Variants in PCDH10 observed in about 807,000 individuals in gnomAD.
The protein encoded by PCDH10 is protocadherin-10.
PCDH10 carries 15 observed loss-of-function variants against 74.4 expected under a neutral mutation model. That is an observed-to-expected ratio of 0.20 (90% CI 0.13 to 0.31). PCDH10 has a LOEUF of 0.31. Among genes scored for constraint, PCDH10 ranks in the 10% least tolerant of loss-of-function variants. The pLI is 1.00. For missense variants in PCDH10, 1,260 were observed against 1,390.2 expected (o/e 0.91, Z 1.49); for synonymous variants, 619 against 589.8 (o/e 1.05, Z -0.72).
At chr4:133,161,845 T>C (rs1011792474) in intron 3 of PCDH10, among the ~76,000 whole-genome samples, 4 of 152,156 alleles carry the variant, frequency 2.6e-5, no homozygotes, top group Admixed American at 2.6e-4. Context: ...AGTTTGAGAA[T>C]AGGTTGAGAT....
downstream of PCDH10, among the ~76,000 whole-genome samples, chr4:133,196,883 CA>C (rs1727806188): frequency 6.6e-6 from 1 of 152,158 alleles, no homozygotes; most frequent in Non-Finnish European, 1.5e-5. Context: ...CTTTTTTCAA[CA>C]TTTAACCACT....
Position 133,150,058 on chromosome 4 carries a change from A to G in PCDH10, c.-83A>G, listed in dbSNP as rs1204260211. ...AGCGCACTTTTATTTGTATTTTTTCAGATTTTTTTTTGTTTCGTGGTGGTG... is the reference window on the plus strand; with the variant it reads ...AGCGCACTTTTATTTGTATTTTTTCGGATTTTTTTTTGTTTCGTGGTGGTG... On this transcript the variant is annotated 5_prime_UTR_variant, in exon 1 of 5. Coordinates refer to ENST00000264360, the MANE Select transcript of PCDH10 (RefSeq NM_032961.3). 1.4e-6 allele frequency: 2 copies of G among 1,446,982 alleles called. No individual in the cohort carries two copies. The highest frequency in any genetic ancestry group is 1.8e-6 in the Non-Finnish European group (2 of 1,098,634). The allele number at this position is 1,446,982 out of a possible 1,614,324, so 89.6% of individuals were successfully genotyped here. A position where few individuals can be genotyped will look rare whatever the true frequency, so the allele number is the denominator to read the frequency against.
chr4:133,182,323 C>T (rs1180907735), intron 4 of PCDH10, among the ~76,000 whole-genome samples: 1 of 151,846 alleles, frequency 6.6e-6, no homozygotes, highest in Non-Finnish European at 1.5e-5. Context: ...TGAAAAGTGT[C>T]TAAATGTCAC....
At chr4:133,177,607 A>G (rs1180158230) in intron 4 of PCDH10, among the ~76,000 whole-genome samples, 1 of 152,146 alleles carries the variant, frequency 6.6e-6, no homozygotes, top group East Asian at 1.9e-4. Flanking sequence ...TTTATTCCTC[A>G]TATGAAAAGA....
In PCDH10 at chr4:133,193,956, A is replaced by ATT. The variant is rs934933404; in HGVS notation, c.*3797_*3798dup. 1.3e-5 allele frequency: 2 copies of ATT among 151,710 alleles called. No homozygotes were observed. Among genetic ancestry groups the ATT allele is most frequent in the African/African-American group, 4.8e-5 (2 of 41,420 alleles). 9.4% of individuals were successfully genotyped at this position (151,710 alleles called of 1,614,324 possible). ...ATGGAGTAGTAAAATTATTTTATATATTGTTAGTACTTCAACAAACATCCC... is the reference window on the plus strand; with the variant it reads ...ATGGAGTAGTAAAATTATTTTATATATTTTGTTAGTACTTCAACAAACATCCC... On this transcript the variant is annotated 3_prime_UTR_variant, in exon 5 of 5. Transcript: ENST00000264360.
intron 3 of PCDH10, among the ~76,000 whole-genome samples, chr4:133,161,769 T>C (rs1726975843): frequency 6.6e-6 from 1 of 152,038 alleles, no homozygotes. Flanking sequence ...TAAAGTGGCC[T>C]ACTAGGCACT....
At chr4:133,196,151 C>G (rs933574486), downstream of PCDH10, among the ~76,000 whole-genome samples, 1 of 152,182 alleles carries the variant, frequency 6.6e-6, no homozygotes, top group African/African-American at 2.4e-5. Context: ...TGCTTAGACA[C>G]AGCCAATTTA....
Position 133,193,403 on chromosome 4 carries a change from CATT to C in PCDH10, c.*3244_*3246del, listed in dbSNP as rs999020089. 1.8e-4 allele frequency: 28 copies of C among 151,634 alleles called. No individual in the cohort carries two copies. Among genetic ancestry groups the C allele is most frequent in the Admixed American group, 1.6e-3 (24 of 15,206 alleles). The allele number at this position is 151,634 out of a possible 1,614,324, so 9.4% of individuals were successfully genotyped here. ...AGAATATTTAAATATTTTAATTTCT[CATT>C]GTTTTATTTGTTAATTGGATTGTAA... On this transcript the variant is annotated 3_prime_UTR_variant, in exon 5 of 5. Transcript: ENST00000264360.
At chr4:133,188,627 C>T (rs1473227237) in intron 4 of PCDH10, among the ~76,000 whole-genome samples, 1 of 141,418 alleles carries the variant, frequency 7.1e-6, no homozygotes, top group Non-Finnish European at 1.5e-5. Flanking sequence ...CTTATTTTCA[C>T]TTTCATTTCT....
chr4:133,180,462 A>G (rs1727392981), intron 4 of PCDH10, among the ~76,000 whole-genome samples: 1 of 152,012 alleles, frequency 6.6e-6, no homozygotes, highest in East Asian at 1.9e-4. Context: ...ATGGCATTGT[A>G]GTAATGAATG....
chr4:133,179,285 T>C (rs1192122706), intron 4 of PCDH10, among the ~76,000 whole-genome samples: 1 of 152,162 alleles, frequency 6.6e-6, no homozygotes, highest in Admixed American at 6.6e-5. Flanking sequence ...ATCTAGCTTT[T>C]AATATTAAGT....
intron 1 of PCDH10, 128 bp downstream of exon 1, chr4:133,152,899 G>A (rs1408052906): frequency 6.8e-7 from 1 of 1,471,906 alleles, no homozygotes; most frequent in African/African-American, 1.4e-5. Context: ...ATCGTTGTGG[G>A]AGCAGAGATG....
chr4:133,161,121 G>A (rs761764116), intron 3 of PCDH10, among the ~76,000 whole-genome samples: 2 of 152,048 alleles, frequency 1.3e-5, no homozygotes, highest in African/African-American at 2.4e-5. Context: ...TTTACATGCT[G>A]TTCTCAGTCA....
chr4:133,198,523 T>C (rs1463511023), downstream of PCDH10, among the ~76,000 whole-genome samples: 1 of 152,198 alleles, frequency 6.6e-6, no homozygotes, highest in Non-Finnish European at 1.5e-5. Flanking sequence ...AATGCCTCCA[T>C]AGATGCTTAC....
chr4:133,193,102 C>T lies in PCDH10; in HGVS notation c.*2942C>T, dbSNP rs1202346602. ...AGTCAAAAAAAATTTCCTGTGGAAA[C>T]AGTGTCTTAATGTTTCAAAGGTATG... On this transcript the variant is annotated 3_prime_UTR_variant, in exon 5 of 5. Coordinates refer to ENST00000264360, the MANE Select transcript of PCDH10 (RefSeq NM_032961.3). 6.6e-6 allele frequency: 1 copy of T among 151,568 alleles called. No individual in the cohort carries two copies. Among genetic ancestry groups the T allele is most frequent in the East Asian group, 1.9e-4 (1 of 5,186 alleles). The allele number at this position is 151,568 out of a possible 1,614,324, so 9.4% of individuals were successfully genotyped here.
At chr4:133,206,436 T>G (rs1728005423) in intron 2 of PCDH10, among the ~76,000 whole-genome samples, 1 of 152,120 alleles carries the variant, frequency 6.6e-6, no homozygotes, top group Non-Finnish European at 1.5e-5. Flanking sequence ...TTAATAACAT[T>G]TTTGGTCCTT....
Position 133,190,445 on chromosome 4 carries a change from A to C in PCDH10, c.*285A>C. On this transcript the variant is annotated 3_prime_UTR_variant, in exon 5 of 5. Transcript: ENST00000264360. ...GCACTATCTATCTTTCTCTCTCCAA[A>C]TGTCACTGAGCCCTTTAGATGTTTA... 1 of 411,946 alleles carries C rather than the reference A, an allele frequency of 2.4e-6. No individual in the cohort carries two copies. The highest frequency in any genetic ancestry group is 4.4e-6 in the Non-Finnish European group (1 of 228,790). The allele number at this position is 411,946 out of a possible 1,614,324, so 25.5% of individuals were successfully genotyped here.
At position 133,153,152 on chromosome 4, in the gene PCDH10, G is replaced by A. The variant is rs1038063373; in HGVS notation, c.2631+381G>A. On this transcript the variant is annotated intron_variant, in intron 1 of 4. Coordinates refer to ENST00000264360, the MANE Select transcript of PCDH10 (RefSeq NM_032961.3). ...GCACTGGCAAAGGTCTTTTTTCTTT[G>A]CGTCTGTCCCAGGCATTAATAAAGT... is the stretch of plus-strand genomic sequence containing the variant. 4 of 1,180,690 alleles carry A rather than the reference G, an allele frequency of 3.4e-6. No homozygotes were observed. In the East Asian group the frequency reaches 1.8e-4, roughly 54 times the overall value. 73.1% of individuals were successfully genotyped at this position (1,180,690 alleles called of 1,614,324 possible). A position where few individuals can be genotyped will look rare whatever the true frequency, so the allele number is the denominator to read the frequency against.
chr4:133,163,026 C>G lies in PCDH10; in HGVS notation c.2847C>G (p.His949Gln), dbSNP rs1172954484. The G allele has an allele frequency of 6.2e-7, 1 of 1,614,148 alleles. No homozygotes were observed. The highest frequency in any genetic ancestry group is 8.5e-7 in the Non-Finnish European group (1 of 1,180,014). Reference protein sequence around the residue: ...NCTEECKALGHSDRCWMPSFV... With the variant: ...NCTEECKALGQSDRCWMPSFV... ...CTGAGGAATGTAAAGCTCTGGGCCA[C>G]TCAGATCGGTGCTGGATGCCTTCTT... Residue 949 changes from histidine (H) to glutamine (Q), a missense_variant, in exon 4 of 5, where the codon CAC (histidine) becomes CAG (glutamine). Physicochemically the swap from His to Gln is conservative, Grantham distance 24 (BLOSUM62 0). Transcript: ENST00000264360.
Sources: gnomAD v4.1 joint callset for allele counts (sites outside exome capture counted in the v4.1 genomes callset) on GRCh38, gnomAD v4.1.1 for gene constraint, MANE v1.5 for transcripts, NCBI Gene and HGNC (gene_info 2026-07-23, HGNC 2026-07-21) for gene names.